Variants in PCDH7 observed in about 807,000 individuals in gnomAD.
The protein encoded by PCDH7 is protocadherin 7.
A neutral mutation model predicts 58.9 loss-of-function variants in PCDH7; 17 were observed. The ratio of observed to expected loss-of-function variants is 0.29; its 90% confidence interval spans 0.20 to 0.43. PCDH7 has a LOEUF of 0.43. Among genes scored for constraint, PCDH7 ranks in the 20% least tolerant of loss-of-function variants. PCDH7 has a pLI of 1.00. For missense variants in PCDH7, 1,274 were observed against 1,441.0 expected (o/e 0.88, Z 1.88); for synonymous variants, 664 against 616.4 (o/e 1.08, Z -1.14).
intron 1 of PCDH7, among the ~76,000 whole-genome samples, chr4:30,727,188 T>G (rs961715082): frequency 3.3e-5 from 5 of 151,960 alleles, no homozygotes; most frequent in Non-Finnish European, 7.4e-5. Context: ...TATTTATAGT[T>G]TTCCTGAATT....
intron 3 of PCDH7, among the ~76,000 whole-genome samples, chr4:31,116,644 G>T (rs1054365438): frequency 7.2e-5 from 11 of 152,132 alleles, no homozygotes; most frequent in African/African-American, 2.4e-4. Context: ...GGTCTCAAAT[G>T]CAAGTTGAAT....
chr4:31,024,532 C>T (rs1219702063), intron 3 of PCDH7, among the ~76,000 whole-genome samples: 1 of 152,082 alleles, frequency 6.6e-6, no homozygotes, highest in Non-Finnish European at 1.5e-5. Context: ...ATATTAGAAT[C>T]AGTACCATAA....
chr4:30,748,934 C>A (rs146122501), intron 1 of PCDH7, among the ~76,000 whole-genome samples: 44 of 152,240 alleles, frequency 2.9e-4, no homozygotes, highest in African/African-American at 1.1e-3. Context: ...GTAGTTATAT[C>A]TGGCACTAGT....
At chr4:30,737,289 TTATC>T (rs1716436696), downstream of PCDH7, among the ~76,000 whole-genome samples, 1 of 152,230 alleles carries the variant, frequency 6.6e-6, no homozygotes, top group Non-Finnish European at 1.5e-5. Context: ...ATATTTCTAA[TTATC>T]TATGAATTTC....
At chr4:30,724,426 T>C in exon 1 of PCDH7, 1 of 1,614,002 alleles carries the variant, frequency 6.2e-7, no homozygotes, top group Non-Finnish European at 8.5e-7. Context: ...TAGTTCCCCA[T>C]TGCCTACTGT....
intron 1 of PCDH7, among the ~76,000 whole-genome samples, chr4:30,806,781 GC>G (rs1726271951): frequency 6.6e-6 from 1 of 151,528 alleles, no homozygotes; most frequent in Non-Finnish European, 1.5e-5. Context: ...ATTTTCTGTA[GC>G]ATTTACTAAG....
At chr4:31,124,180 A>T (rs1282011130) in intron 3 of PCDH7, among the ~76,000 whole-genome samples, 3 of 151,984 alleles carry the variant, frequency 2.0e-5, no homozygotes, top group Non-Finnish European at 4.4e-5. Flanking sequence ...GGGACCTTGC[A>T]CTCTTCTACG....
At chr4:31,089,265 T>C (rs1712904807) in intron 3 of PCDH7, among the ~76,000 whole-genome samples, 1 of 152,086 alleles carries the variant, frequency 6.6e-6, no homozygotes, top group African/African-American at 2.4e-5. Flanking sequence ...TGTTACAGTT[T>C]ACAATGAACA....
intron 1 of PCDH7, among the ~76,000 whole-genome samples, chr4:30,841,592 G>A (rs910971846): frequency 6.6e-6 from 1 of 152,068 alleles, no homozygotes; most frequent in Non-Finnish European, 1.5e-5. Flanking sequence ...TCAGCCTTAA[G>A]CATTAAGCAC....
At chr4:30,741,401 C>A (rs1717059893) in intron 1 of PCDH7, among the ~76,000 whole-genome samples, 1 of 151,952 alleles carries the variant, frequency 6.6e-6, no homozygotes, top group Admixed American at 6.6e-5. Context: ...GCCACGTTAC[C>A]CAGGTTGGTC....
intron 3 of PCDH7, among the ~76,000 whole-genome samples, chr4:30,981,689 T>C (rs1750583797): frequency 6.6e-6 from 1 of 152,184 alleles, no homozygotes; most frequent in Non-Finnish European, 1.5e-5. Flanking sequence ...CCAAGAATAA[T>C]AAAGGATTCA....
chr4:31,113,546 A>G (rs1176840534), intron 3 of PCDH7, among the ~76,000 whole-genome samples: 2 of 152,164 alleles, frequency 1.3e-5, no homozygotes, highest in East Asian at 3.9e-4. Flanking sequence ...AAACTGAGGT[A>G]TTTTATATGG....
At chr4:30,843,168 C>T (rs1397382513) in intron 1 of PCDH7, among the ~76,000 whole-genome samples, 1 of 150,092 alleles carries the variant, frequency 6.7e-6, no homozygotes, top group African/African-American at 2.5e-5. Flanking sequence ...TTGGACACTT[C>T]TTCACATTCC....
At chr4:30,979,578 AT>A (rs2109108201) in intron 3 of PCDH7, among the ~76,000 whole-genome samples, 1 of 151,868 alleles carries the variant, frequency 6.6e-6, no homozygotes, top group African/African-American at 2.4e-5. Flanking sequence ...CATACCAGAA[AT>A]TTTTGCACTC....
intron 2 of PCDH7, among the ~76,000 whole-genome samples, chr4:30,939,379 G>A (rs1236954481): frequency 6.6e-6 from 1 of 152,060 alleles, no homozygotes; most frequent in African/African-American, 2.4e-5. Flanking sequence ...TAAAGTCCTT[G>A]TGATACTACT....
At chr4:30,858,746 G>T (rs201147998) in intron 1 of PCDH7, among the ~76,000 whole-genome samples, 1 of 152,148 alleles carries the variant, frequency 6.6e-6, no homozygotes, top group Non-Finnish European at 1.5e-5. Flanking sequence ...CATTGGGTTA[G>T]CATCCCTTGA....
At chr4:31,029,549 A>G (rs1244194377) in intron 3 of PCDH7, among the ~76,000 whole-genome samples, 1 of 152,198 alleles carries the variant, frequency 6.6e-6, no homozygotes, top group Non-Finnish European at 1.5e-5. Flanking sequence ...CGGTGCTATT[A>G]TAACGGTTTA....
intron 3 of PCDH7, among the ~76,000 whole-genome samples, chr4:31,073,238 T>C (rs1758700202): frequency 6.6e-6 from 1 of 152,212 alleles, no homozygotes; most frequent in Non-Finnish European, 1.5e-5. Context: ...TGAAAGCATC[T>C]GAGCAGAGAA....
At chr4:31,113,160 A>T (rs185392472) in intron 3 of PCDH7, among the ~76,000 whole-genome samples, 2 of 152,254 alleles carry the variant, frequency 1.3e-5, no homozygotes, top group East Asian at 3.9e-4. Flanking sequence ...GTTGTCATAG[A>T]TCAAAATTTT....
Sources: allele counts gnomAD v4.1 joint callset (sites outside exome capture counted in the v4.1 genomes callset), GRCh38; gene constraint gnomAD v4.1.1; transcripts MANE v1.5; gene names NCBI Gene and HGNC (gene_info 2026-07-23, HGNC 2026-07-21).